The following RNF213 variants were observed in gnomAD, a reference collection of about 807,000 sequenced individuals.
The protein encoded by RNF213 is E3 ubiquitin-protein ligase RNF213.
In RNF213, 341 loss-of-function variants were observed where a neutral mutation model predicts 514.4. That is an observed-to-expected ratio of 0.66 (90% CI 0.61 to 0.73). RNF213 has a LOEUF of 0.73. Among genes scored for constraint, RNF213 ranks in the 30% least tolerant of loss-of-function variants. RNF213 has a pLI of 0.00. For synonymous variants in RNF213, 2,655 were observed against 2,658.2 expected (o/e 1.00, Z 0.04); for missense variants, 5,767 against 6,615.6 (o/e 0.87, Z 4.45).
rs937544328 is a variant in RNF213, at chr17:80,377,299, G to C, written c.13510+336G>C. The C allele has an allele frequency of 7.4e-6, 3 of 407,740 alleles. No individual in the cohort carries two copies. The highest frequency in any genetic ancestry group is 9.0e-6 in the Non-Finnish European group (2 of 221,200). The allele number at this position is 407,740 out of a possible 1,614,324, so 25.3% of individuals were successfully genotyped here. On this transcript the variant is annotated intron_variant, in intron 53 of 67. Transcript: ENST00000582970. The surrounding 1 kb of genome is among the most constrained non-coding windows in gnomAD (Gnocchi z 4.1). ...AGGCCCACCACAAAACAAAGTTTTTGACACAAAGCTCTTCTGAAATATATG... is the reference window on the plus strand; with the variant it reads ...AGGCCCACCACAAAACAAAGTTTTTCACACAAAGCTCTTCTGAAATATATG...
At chr17:80,334,784 G>A (rs1160879963) in intron 22 of RNF213, among the ~76,000 whole-genome samples, 5 of 148,658 alleles carry the variant, frequency 3.4e-5, no homozygotes, top group East Asian at 2.0e-4. Context: ...CCGCCACCAC[G>A]CCCGGCTAAT....
At chr17:80,282,072 G>A (rs1259599425) in intron 3 of RNF213, among the ~76,000 whole-genome samples, 1 of 152,054 alleles carries the variant, frequency 6.6e-6, no homozygotes, top group East Asian at 1.9e-4. Context: ...GGCTAGGCTG[G>A]TTTCAAGCTC....
chr17:80,377,459 A>G lies in RNF213; in HGVS notation c.13511-303A>G, dbSNP rs1461617932. Among the ~76,000 whole-genome samples, 1 of 152,150 alleles carries G rather than the reference A, an allele frequency of 6.6e-6. No individual in the cohort carries two copies. Among genetic ancestry groups the G allele is most frequent in the Non-Finnish European group, 1.5e-5 (1 of 68,018 alleles). On this transcript the variant is annotated intron_variant, in intron 53 of 67. Coordinates refer to ENST00000582970, the MANE Select transcript of RNF213 (RefSeq NM_001256071.3). This position sits in a 1 kb window ranked among gnomAD's most constrained non-coding sequence, Gnocchi z 4.1. ...TGACAAAAAAAAAAAAATCAAGGAA[A>G]ATAGAAAGGTCTAGAATCCTGTCCA...
Position 80,386,366 on chromosome 17 carries a change from T to C in RNF213, c.14656T>C (p.Tyr4886His), listed in dbSNP as rs1199551638. The change falls in exon 62 of 68, where the codon TAC becomes CAC. Residue 4886 changes from tyrosine (Y) to histidine (H), a missense_variant. Physicochemically the swap from Tyr to His is moderately conservative, Grantham distance 83. Coordinates refer to ENST00000582970, the MANE Select transcript of RNF213 (RefSeq NM_001256071.3). ...LGLCATALVS[Y>H]LIRLHNEIVY... ...CCTCTGTGCTACCGCTCTCGTCAGC[T>C]ACTTGATTCGCCTACACAATGAAAT... The C allele has an allele frequency of 6.2e-7, 1 of 1,614,172 alleles. No individual in the cohort carries two copies. The highest frequency in any genetic ancestry group is 1.7e-5 in the Admixed American group (1 of 60,020).
rs143701682 is a variant in RNF213, at chr17:80,355,879, A to G, written c.10862+1303A>G. ...TTACAGACACCTTCCTCGTGACCAG[A>G]GATTTTCTGATTCTACTTTTTCTCT... is the stretch of plus-strand genomic sequence containing the variant. On this transcript the variant is annotated intron_variant, in intron 36 of 67. Coordinates refer to ENST00000582970, the MANE Select transcript of RNF213 (RefSeq NM_001256071.3). 9.7e-3 allele frequency among the ~76,000 whole-genome samples: 1,476 copies of G among 151,610 alleles called. 29 individuals carry two copies. Among genetic ancestry groups the G allele is most frequent in the African/African-American group, 0.033 (1,368 of 40,930 alleles).
chr17:80,355,145 G>A, intron 36 of RNF213: 2 of 455,772 alleles, frequency 4.4e-6, no homozygotes, highest in Non-Finnish European at 8.8e-6. Context: ...CCTCCTGCCT[G>A]AAAGCCTAAG....
rs748666763 is a variant in RNF213, at chr17:80,368,111, C to A, written c.12123C>A (p.Asp4041Glu). The A allele has an allele frequency of 1.1e-5, 17 of 1,614,126 alleles. No individual in the cohort carries two copies. Among genetic ancestry groups the A allele is most frequent in the Non-Finnish European group, 1.3e-5 (15 of 1,180,048 alleles). Residue 4041 changes from aspartate to glutamate, a missense_variant, in exon 44 of 68, where the codon GAC becomes GAA. This residue lies in a region of RNF213 where 93 missense variants were observed against 95.6 expected (regional missense o/e 0.97). Coordinates refer to ENST00000582970, the MANE Select transcript of RNF213 (RefSeq NM_001256071.3). ...CCTACTGTTTAACTGCCTTGCCAGA[C>A]GAATTCTCTCCAGCTGTTTCCCAAG... is the stretch of plus-strand genomic sequence containing the variant. ...ICPYCLTALPDEFSPAVSQAH... is the reference protein window; with the variant it reads ...ICPYCLTALPEEFSPAVSQAH...
At chr17:80,295,425 G>A (rs2044898899) in intron 9 of RNF213, 132 bp from the exon 10 acceptor site, 1 of 1,157,416 alleles carries the variant, frequency 8.6e-7, no homozygotes, top group East Asian at 2.5e-5. Flanking sequence ...AGCTCCTCCT[G>A]TGGCTCTCAC....
At chr17:80,323,316 G>A (rs1198288897) in intron 17 of RNF213, among the ~76,000 whole-genome samples, 2 of 152,218 alleles carry the variant, frequency 1.3e-5, no homozygotes, top group Non-Finnish European at 1.5e-5. Flanking sequence ...AAATTGGGAT[G>A]TGTGAGTCCT....
intron 2 of RNF213, among the ~76,000 whole-genome samples, chr17:80,269,013 T>C (rs1429380249): frequency 6.6e-6 from 1 of 152,022 alleles, no homozygotes; most frequent in African/African-American, 2.4e-5. Context: ...AGTCCAAGTT[T>C]CCAAAGGCCA....
In RNF213 at chr17:80,386,588, C is replaced by T. The variant is rs2144640998; in HGVS notation, c.14721-102C>T. Reference sequence around the variant, plus strand: ...CGCCCCATACTTGGGTAGGGTTTTCCACTGCTCCAACTGTGAGAAATGGGA... The same window carrying T: ...CGCCCCATACTTGGGTAGGGTTTTCTACTGCTCCAACTGTGAGAAATGGGA... On this transcript the variant is annotated intron_variant, in intron 62 of 67. Coordinates refer to ENST00000582970, the MANE Select transcript of RNF213 (RefSeq NM_001256071.3). 4 of 1,467,188 alleles carry T rather than the reference C, an allele frequency of 2.7e-6. No individual in the cohort carries two copies. The Admixed American group carries it at 5.1e-5, about 19-fold the overall frequency. The allele number at this position is 1,467,188 out of a possible 1,614,324, so 90.9% of individuals were successfully genotyped here.
At chr17:80,309,925 T>C (rs1474052464) in intron 14 of RNF213, among the ~76,000 whole-genome samples, 1 of 151,798 alleles carries the variant, frequency 6.6e-6, no homozygotes, top group African/African-American at 2.4e-5. Context: ...CTGGCTAATT[T>C]TTGTATTTTT....
rs375776649 is a variant in RNF213 at position 80,364,542 on chromosome 17, T to G, written c.11860T>G (p.Leu3954Val). Residue 3954 changes from leucine (L) to valine (V), a missense_variant, in exon 42 of 68, where the codon TTA becomes GTA. Coordinates refer to ENST00000582970, the MANE Select transcript of RNF213 (RefSeq NM_001256071.3). Reference sequence around the variant, plus strand: ...GGGGCTGGTGACCGAGCACGTCTTCTTACTAGACAAGGTGAGTACTTGGGC... The same window carrying G: ...GGGGCTGGTGACCGAGCACGTCTTCGTACTAGACAAGGTGAGTACTTGGGC... ...LQGLVTEHVF[L>V]LDKCLRENSD... The G allele has an allele frequency of 6.2e-7, 1 of 1,614,016 alleles. No individual in the cohort carries two copies. Among genetic ancestry groups the G allele is most frequent in the African/African-American group, 1.3e-5 (1 of 74,918 alleles).
chr17:80,378,545 C>A (rs2079854739), intron 54 of RNF213, among the ~76,000 whole-genome samples: 1 of 152,168 alleles, frequency 6.6e-6, no homozygotes, highest in African/African-American at 2.4e-5. Flanking sequence ...AAACATTGAA[C>A]TCCTGGGCTC....
intron 14 of RNF213, 37 bp downstream of exon 14, chr17:80,309,208 A>ATAGGTGC: frequency 1.2e-6 from 2 of 1,613,334 alleles, no homozygotes; most frequent in Non-Finnish European, 1.7e-6. Flanking sequence ...CACACCCGGG[A>ATAGGTGC]TAGGTGCGGA....
intron 36 of RNF213, among the ~76,000 whole-genome samples, chr17:80,356,358 A>C (rs2078821210): frequency 6.6e-6 from 1 of 151,900 alleles, no homozygotes; most frequent in Admixed American, 6.6e-5. Context: ...GAGTCACTGA[A>C]CCTCCTCAGT....
At chr17:80,382,845 CTTAGA>C (rs745926097) in intron 57 of RNF213, 129 bp from the exon 58 acceptor site, 30 of 678,106 alleles carry the variant, frequency 4.4e-5, no homozygotes, top group African/African-American at 7.2e-5. Context: ...CTTCAAAATA[CTTAGA>C]TTAATTTAGA....
intron 13 of RNF213, among the ~76,000 whole-genome samples, chr17:80,307,604 C>CA (rs921393479): frequency 2.0e-5 from 3 of 151,190 alleles, no homozygotes; most frequent in Non-Finnish European, 4.4e-5. Flanking sequence ...AGCTGGAGTG[C>CA]AATGGCACCA....
intron 67 of RNF213, among the ~76,000 whole-genome samples, chr17:80,393,106 T>G (rs2080548225): frequency 6.6e-6 from 1 of 151,828 alleles, no homozygotes; most frequent in African/African-American, 2.4e-5. Context: ...GCCTCCTGAG[T>G]AGCTTCGGAC....
Sources: allele counts gnomAD v4.1 joint callset (sites outside exome capture counted in the v4.1 genomes callset), GRCh38; gene constraint gnomAD v4.1.1; regional missense constraint gnomAD v4.1.1; non-coding constraint Gnocchi (gnomAD v3.1); transcripts MANE v1.5; gene names NCBI Gene and HGNC (gene_info 2026-07-23, HGNC 2026-07-21).